The following CAMTA1 variants were observed in gnomAD, a reference collection of about 807,000 sequenced individuals.
The protein encoded by CAMTA1 is calmodulin-binding transcription activator 1.
In CAMTA1, 27 loss-of-function variants were observed where a neutral mutation model predicts 170.9. The observed-to-expected ratio is 0.16, with a 90% CI of 0.12 to 0.22. The LOEUF (loss-of-function observed/expected upper bound fraction) is 0.22. Ranked by LOEUF, CAMTA1 falls within the 10% of genes least tolerant of loss-of-function variation. CAMTA1 has a pLI of 1.00. For synonymous variants in CAMTA1, 833 were observed against 891.5 expected (o/e 0.93, Z 1.17); for missense variants, 1,619 against 2,217.2 (o/e 0.73, Z 5.42).
At chr1:7,610,854 A>C (rs2095518965) in intron 6 of CAMTA1, among the ~76,000 whole-genome samples, 1 of 152,250 alleles carries the variant, frequency 6.6e-6, no homozygotes, top group South Asian at 2.1e-4. Flanking sequence ...ATAGCGCCTC[A>C]GAGCACCAGA....
Position 7,426,643 on chromosome 1 carries a change from C to A in CAMTA1, c.439-41187C>A, listed in dbSNP as rs946977254. Among the ~76,000 whole-genome samples the A allele has an allele frequency of 6.6e-6, 1 of 151,568 alleles. No individual in the cohort carries two copies. Among genetic ancestry groups the A allele is most frequent in the Non-Finnish European group, 1.5e-5 (1 of 68,004 alleles). Reference sequence around the variant, plus strand: ...AGCTTCTGTGATTGGGGGCTGATGGCGACTGTGCAAAAAAGCAGGGGTTGG... The same window carrying A: ...AGCTTCTGTGATTGGGGGCTGATGGAGACTGTGCAAAAAAGCAGGGGTTGG... On this transcript the variant is annotated intron_variant, in intron 5 of 22. Transcript: ENST00000303635. The surrounding 1 kb of genome is among the most constrained non-coding windows in gnomAD (Gnocchi z 4.8).
chr1:7,212,558 G>A (rs1313404111), intron 4 of CAMTA1, among the ~76,000 whole-genome samples: 1 of 152,138 alleles, frequency 6.6e-6, no homozygotes, highest in Non-Finnish European at 1.5e-5. Flanking sequence ...CAAGACAACT[G>A]TTGATTCACA....
intron 4 of CAMTA1, among the ~76,000 whole-genome samples, chr1:7,105,926 T>G (rs1039565446): frequency 3.4e-5 from 5 of 146,922 alleles, no homozygotes; most frequent in African/African-American, 1.3e-4. Flanking sequence ...GGTGACAGAG[T>G]GAGACCATGT....
intron 6 of CAMTA1, among the ~76,000 whole-genome samples, chr1:7,574,313 G>A (rs993951947): frequency 6.6e-6 from 1 of 152,160 alleles, no homozygotes; most frequent in Non-Finnish European, 1.5e-5. Flanking sequence ...ACATGACTGT[G>A]GAAATGGGGC....
At position 7,173,326 on chromosome 1, in the gene CAMTA1, G is replaced by A. The variant is rs571756044; in HGVS notation, c.303-76165G>A. Among the ~76,000 whole-genome samples, 2 of 152,156 alleles carry A rather than the reference G, an allele frequency of 1.3e-5. No individual in the cohort carries two copies. The highest frequency in any genetic ancestry group is 6.5e-5 in the Admixed American group (1 of 15,276). ...AGAGCGGGGTGCAGGGCCTGGCCGT[G>A]ACTGAGGCTCCACGAACGCTGGCTC... is the stretch of plus-strand genomic sequence containing the variant. On this transcript the variant is annotated intron_variant, in intron 4 of 22. Coordinates refer to ENST00000303635, the MANE Select transcript of CAMTA1 (RefSeq NM_015215.4). This position sits in a 1 kb window ranked among gnomAD's most constrained non-coding sequence, Gnocchi z 5.4.
intron 7 of CAMTA1, among the ~76,000 whole-genome samples, chr1:7,647,425 G>A (rs938741903): frequency 2.6e-5 from 4 of 152,214 alleles, no homozygotes; most frequent in Non-Finnish European, 5.9e-5. Context: ...CTGGTGGCCA[G>A]TGGCAGCGGC....
chr1:7,070,372 G>T (rs1638478248), intron 3 of CAMTA1, among the ~76,000 whole-genome samples: 1 of 152,352 alleles, frequency 6.6e-6, no homozygotes, highest in Non-Finnish European at 1.5e-5. Context: ...ACTAATTCAT[G>T]TTGGGTCCCG....
intron 4 of CAMTA1, among the ~76,000 whole-genome samples, chr1:7,170,772 T>G (rs963527213): frequency 3.9e-5 from 6 of 152,220 alleles, no homozygotes; most frequent in Admixed American, 3.9e-4. Flanking sequence ...TCCAAACATA[T>G]AGGGTTTTTT....
intron 1 of CAMTA1, among the ~76,000 whole-genome samples, chr1:6,786,303 G>C (rs1350057817): frequency 3.9e-5 from 6 of 152,128 alleles, no homozygotes; most frequent in African/African-American, 1.4e-4. Flanking sequence ...GCCCCTCGCA[G>C]TCGTTCACAT....
intron 3 of CAMTA1, among the ~76,000 whole-genome samples, chr1:7,056,396 T>G (rs1422876716): frequency 6.6e-6 from 1 of 152,004 alleles, no homozygotes; most frequent in Non-Finnish European, 1.5e-5. Context: ...AGGGGGCTCA[T>G]GAGCTGACCC....
At chr1:6,910,448 G>C (rs948114324) in intron 3 of CAMTA1, among the ~76,000 whole-genome samples, 1 of 152,246 alleles carries the variant, frequency 6.6e-6, no homozygotes, top group Admixed American at 6.5e-5. Flanking sequence ...ACTTTGCAGG[G>C]TTCATTCCCT....
chr1:7,262,747 A>G (rs7522322), intron 5 of CAMTA1, among the ~76,000 whole-genome samples: 49,733 of 152,038 alleles, frequency 0.33, 8,531 homozygotes, highest in South Asian at 0.54. Context: ...GTTGTTGCCC[A>G]GGTTGCTTCT....
chr1:7,405,267 G>T (rs940753669), intron 5 of CAMTA1, among the ~76,000 whole-genome samples: 14 of 152,096 alleles, frequency 9.2e-5, no homozygotes, highest in African/African-American at 3.4e-4. Context: ...CATCTTGAAG[G>T]CCTAGTGTCA....
At chr1:7,294,459 C>T (rs113302128) in intron 5 of CAMTA1, among the ~76,000 whole-genome samples, 35 of 152,152 alleles carry the variant, frequency 2.3e-4, no homozygotes, top group Non-Finnish European at 3.5e-4. Context: ...GGAGAGGCTG[C>T]GGGCAGCAGT....
rs1655424723 is a variant in CAMTA1 at position 7,195,853 on chromosome 1, T to C, written c.303-53638T>C. Among the ~76,000 whole-genome samples, 1 of 152,116 alleles carries C rather than the reference T, an allele frequency of 6.6e-6. No homozygotes were observed. Among genetic ancestry groups the C allele is most frequent in the Non-Finnish European group, 1.5e-5 (1 of 68,020 alleles). On this transcript the variant is annotated intron_variant, in intron 4 of 22. Transcript: ENST00000303635. The surrounding 1 kb of genome is among the most constrained non-coding windows in gnomAD (Gnocchi z 4.1). The stretch of plus-strand genomic sequence containing the variant: ...GGCCAACATGGTGAAACCCCGTCTC[T>C]ACTAAGAATACAAAAATTAGCCAGG...
At chr1:7,256,126 A>G (rs1419846651) in intron 5 of CAMTA1, among the ~76,000 whole-genome samples, 1 of 152,212 alleles carries the variant, frequency 6.6e-6, no homozygotes, top group Non-Finnish European at 1.5e-5. Context: ...TTTTGGTAGA[A>G]TCAATTCAGG....
At chr1:6,818,030 A>C (rs1328453783) in intron 1 of CAMTA1, among the ~76,000 whole-genome samples, 1 of 152,162 alleles carries the variant, frequency 6.6e-6, no homozygotes, top group African/African-American at 2.4e-5. Context: ...CTTTAGTCAG[A>C]TTGCAACATT....
chr1:7,277,022 C>G (rs1249416900), intron 5 of CAMTA1, among the ~76,000 whole-genome samples: 3 of 152,058 alleles, frequency 2.0e-5, no homozygotes, highest in Non-Finnish European at 4.4e-5. Context: ...TATGTAAGAC[C>G]TGTACCCTTA....
rs116583865 is a variant in CAMTA1 at position 7,569,859 on chromosome 1, G to A, written c.511-70541G>A. Among the ~76,000 whole-genome samples, 706 of 152,236 alleles carry A rather than the reference G, an allele frequency of 4.6e-3. 10 individuals are homozygous for A. Among genetic ancestry groups the A allele is most frequent in the African/African-American group, 0.016 (680 of 41,532 alleles). On this transcript the variant is annotated intron_variant, in intron 6 of 22. Transcript: ENST00000303635. The stretch of plus-strand genomic sequence containing the variant: ...ACTGTACCACCCAGGTGCAGACAGT[G>A]TGTCCTGGATCCCAGCCCCTGCAGC...
Sources: gnomAD v4.1 joint callset for allele counts (sites outside exome capture counted in the v4.1 genomes callset) on GRCh38, gnomAD v4.1.1 for gene constraint, Gnocchi (gnomAD v3.1) non-coding constraint, MANE v1.5 for transcripts, NCBI Gene and HGNC (gene_info 2026-07-23, HGNC 2026-07-21) for gene names.